The following TSPAN9 variants were observed in gnomAD, a reference collection of about 807,000 sequenced individuals.
The protein encoded by TSPAN9 is tetraspanin-9.
In TSPAN9, 16 loss-of-function variants were observed where a neutral mutation model predicts 31.0. The ratio of observed to expected loss-of-function variants is 0.52; its 90% CI spans 0.35 to 0.78. TSPAN9 has a LOEUF of 0.78. TSPAN9 is among the 30% of genes least tolerant of loss of function. The pLI, the probability that TSPAN9 is intolerant of heterozygous loss-of-function variation, is 0.01. For missense variants in TSPAN9, 272 were observed against 312.5 expected, an observed-to-expected ratio of 0.87 and a Z score of 0.98; for synonymous variants, 145 against 121.6, an observed-to-expected ratio of 1.19 and a Z score of -1.27.
chr12:3,149,231 C>T (rs1304092857), intron 2 of TSPAN9, among the ~76,000 whole-genome samples: 1 of 152,140 alleles, frequency 6.6e-6, no homozygotes, highest in Non-Finnish European at 1.5e-5. Flanking sequence ...TTTGTTTCTT[C>T]CGGCTTACTG....
At chr12:3,114,792 G>A (rs1042448804) in intron 2 of TSPAN9, among the ~76,000 whole-genome samples, 5 of 150,160 alleles carry the variant, frequency 3.3e-5, no homozygotes, top group Middle Eastern at 3.4e-3. Context: ...GCAGTGAACC[G>A]AGGTTGCGCC....
At chr12:3,252,889 G>T (rs193164122) in intron 3 of TSPAN9, among the ~76,000 whole-genome samples, 72 of 152,302 alleles carry the variant, frequency 4.7e-4, no homozygotes, top group African/African-American at 1.6e-3. Flanking sequence ...GGTGCAGAAG[G>T]TGGGAAATGG....
Position 3,201,165 on chromosome 12 carries a change from T to TAG in TSPAN9, c.-17-12_-17-11insAG. ...GTGTTTTACCTGGACCTGTCCTTTG[T>TAG]GTTCCTCCTAGAATTTAAGAAGTGC... On this transcript the variant is annotated splice_polypyrimidine_tract_variant and intron_variant, in intron 2 of 8. Coordinates refer to ENST00000011898, the MANE Select transcript of TSPAN9 (RefSeq NM_006675.5). The TAG allele has an allele frequency of 6.2e-7, 1 of 1,611,842 alleles. No homozygotes were observed. The highest frequency in any genetic ancestry group is 8.5e-7 in the Non-Finnish European group (1 of 1,177,894).
intron 2 of TSPAN9, among the ~76,000 whole-genome samples, chr12:3,140,622 T>C (rs1324204354): frequency 6.6e-6 from 1 of 152,064 alleles, no homozygotes; most frequent in African/African-American, 2.4e-5. Flanking sequence ...CGATGATGAA[T>C]GCCCAAGGAA....
chr12:3,097,124 C>G (rs2098309497), intron 2 of TSPAN9, among the ~76,000 whole-genome samples: 1 of 152,178 alleles, frequency 6.6e-6, no homozygotes, highest in South Asian at 2.1e-4. Flanking sequence ...CTGAGGCTGG[C>G]TTTCCTTGGG....
intron 3 of TSPAN9, among the ~76,000 whole-genome samples, chr12:3,213,065 C>T (rs147821083): frequency 1.3e-4 from 20 of 152,190 alleles, no homozygotes; most frequent in African/African-American, 4.3e-4. Flanking sequence ...ATCTGTGGAG[C>T]GCTAGGAATT....
At chr12:3,179,804 C>G (rs1241429497) in intron 2 of TSPAN9, among the ~76,000 whole-genome samples, 1 of 152,192 alleles carries the variant, frequency 6.6e-6, no homozygotes, top group Non-Finnish European at 1.5e-5. Context: ...TCCAGATTCT[C>G]AGCCAGAGTT....
intron 3 of TSPAN9, among the ~76,000 whole-genome samples, chr12:3,232,878 G>C (rs1272238977): frequency 6.6e-6 from 1 of 152,234 alleles, no homozygotes; most frequent in East Asian, 1.9e-4. Context: ...GCCATAGGAA[G>C]TTTTCTTGCT....
chr12:3,193,278 T>C (rs1021094219), intron 2 of TSPAN9, among the ~76,000 whole-genome samples: 6 of 152,158 alleles, frequency 3.9e-5, no homozygotes, highest in Admixed American at 1.3e-4. Context: ...AACCAGGGCA[T>C]GTGGTGTGAG....
At chr12:3,095,704 C>G (rs1265395632) in intron 2 of TSPAN9, among the ~76,000 whole-genome samples, 73 of 151,150 alleles carry the variant, frequency 4.8e-4, no homozygotes, top group African/African-American at 1.6e-3. Context: ...GATGGGGCGG[C>G]GGGGCAGAGG....
intron 2 of TSPAN9, among the ~76,000 whole-genome samples, chr12:3,134,860 G>A (rs1422170088): frequency 2.6e-5 from 4 of 152,130 alleles, no homozygotes; most frequent in Non-Finnish European, 5.9e-5. Flanking sequence ...GGCGTGCAGC[G>A]TGGAAGAGGC....
chr12:3,118,843 G>A (rs140021579), intron 2 of TSPAN9, among the ~76,000 whole-genome samples: 52 of 152,154 alleles, frequency 3.4e-4, no homozygotes, highest in Non-Finnish European at 7.1e-4. Flanking sequence ...TCTTCCCTCC[G>A]GCCCCTCCAG....
intron 3 of TSPAN9, among the ~76,000 whole-genome samples, chr12:3,265,641 G>A (rs940065148): frequency 1.3e-5 from 2 of 152,264 alleles, no homozygotes. Context: ...CTGTGGCCGT[G>A]CGCCCCCTCC....
intron 3 of TSPAN9, among the ~76,000 whole-genome samples, chr12:3,205,229 G>T (rs1202681159): frequency 6.6e-6 from 1 of 152,238 alleles, no homozygotes; most frequent in African/African-American, 2.4e-5. Flanking sequence ...TGGCAGAGCA[G>T]TGACATTCTG....
At chr12:3,215,753 T>C (rs2098381064) in intron 3 of TSPAN9, among the ~76,000 whole-genome samples, 1 of 152,184 alleles carries the variant, frequency 6.6e-6, no homozygotes, top group Admixed American at 6.5e-5. Context: ...AGCTGCCATT[T>C]GCTGCTCTCT....
rs575657545 is a variant in TSPAN9 at position 3,192,556 on chromosome 12, C to T, written c.-17-8621C>T. 9.9e-5 allele frequency among the ~76,000 whole-genome samples: 15 copies of T among 152,204 alleles called. No homozygotes were observed. Among genetic ancestry groups the T allele is most frequent in the East Asian group, 1.9e-4 (1 of 5,164 alleles). The stretch of plus-strand genomic sequence containing the variant: ...ACTTAAGCCATTTGTTGAGAAGGAG[C>T]GGATAGTGCCAGGGAGCACATCCGG... On this transcript the variant is annotated intron_variant, in intron 2 of 8. Coordinates refer to ENST00000011898, the MANE Select transcript of TSPAN9 (RefSeq NM_006675.5). This position sits in a 1 kb window ranked among gnomAD's most constrained non-coding sequence, Gnocchi z 4.6.
At chr12:3,174,746 C>G (rs1479845687) in intron 2 of TSPAN9, among the ~76,000 whole-genome samples, 5 of 131,972 alleles carry the variant, frequency 3.8e-5, no homozygotes, top group Non-Finnish European at 7.0e-5. Context: ...CCGCGCCCGG[C>G]TAATTTTTTG....
chr12:3,154,053 T>A (rs947421005), intron 2 of TSPAN9, among the ~76,000 whole-genome samples: 3 of 152,094 alleles, frequency 2.0e-5, no homozygotes, highest in Non-Finnish European at 2.9e-5. Flanking sequence ...TGTGGATGTA[T>A]CTCTATCTGT....
At chr12:3,244,947 G>A (rs1405149803) in intron 3 of TSPAN9, among the ~76,000 whole-genome samples, 1 of 152,180 alleles carries the variant, frequency 6.6e-6, no homozygotes, top group East Asian at 1.9e-4. Context: ...GCCCCCTTCT[G>A]CCAACCTCTC....
Sources: gnomAD v4.1 joint callset for allele counts (sites outside exome capture counted in the v4.1 genomes callset) on GRCh38, gnomAD v4.1.1 for gene constraint, Gnocchi (gnomAD v3.1) non-coding constraint, MANE v1.5 for transcripts, NCBI Gene and HGNC (gene_info 2026-07-23, HGNC 2026-07-21) for gene names.